CRACR2A: variants seen among roughly 807,000 people sequenced by gnomAD.
CRACR2A encodes the protein calcium release activated channel regulator 2A.
Under a neutral mutation model 90.5 loss-of-function variants are expected in CRACR2A, and 79 were observed. The ratio of observed to expected loss-of-function variants is 0.87; its 90% CI spans 0.73 to 1.05. The LOEUF (loss-of-function observed/expected upper bound fraction) is 1.05, where lower values mean the gene tolerates loss of function less well. CRACR2A is among the 50% of genes least tolerant of loss of function. The probability of loss-of-function intolerance (pLI) is 0.00; values close to 1 mark genes in which losing one functional copy is unlikely to be tolerated. For missense variants in CRACR2A, 823 were observed against 897.2 expected (o/e 0.92, Z 1.06); for synonymous variants, 338 against 356.7 (o/e 0.95, Z 0.59).
chr12:3,722,483 C>T (rs7955703), intron 2 of CRACR2A, among the ~76,000 whole-genome samples: 40,051 of 152,008 alleles, frequency 0.26, 5,399 homozygotes, highest in Admixed American at 0.33. Context: ...CATGAGAGGC[C>T]GTGGGGACCT....
chr12:3,722,731 G>T (rs186281508), intron 2 of CRACR2A, among the ~76,000 whole-genome samples: 1 of 152,148 alleles, frequency 6.6e-6, no homozygotes, highest in Non-Finnish European at 1.5e-5. Flanking sequence ...GCTGTGAATA[G>T]TCCCCCTCCA....
At chr12:3,644,663 T>G (rs1478680799) in intron 11 of CRACR2A, 23 bp from the exon 12 acceptor site, 3 of 1,551,192 alleles carry the variant, frequency 1.9e-6, no homozygotes, top group African/African-American at 2.7e-5. Context: ...AAGGGGAATC[T>G]ATTCAAACAT....
chr12:3,742,703 G>A (rs1174313067), intron 1 of CRACR2A, among the ~76,000 whole-genome samples: 1 of 152,210 alleles, frequency 6.6e-6, no homozygotes, highest in Non-Finnish European at 1.5e-5. Flanking sequence ...CTGTCTATAA[G>A]ATGGACAGAA....
intron 2 of CRACR2A, among the ~76,000 whole-genome samples, chr12:3,720,281 GAA>G (rs1565501008): frequency 3.1e-5 from 4 of 130,908 alleles, no homozygotes; most frequent in African/African-American, 1.2e-4. Flanking sequence ...AAGAGAGAGA[GAA>G]AGAAAGAAAG....
At chr12:3,644,832 G>A (rs1395032293) in intron 11 of CRACR2A, among the ~76,000 whole-genome samples, 192 bp from the exon 12 acceptor site, 1 of 152,216 alleles carries the variant, frequency 6.6e-6, no homozygotes, top group Non-Finnish European at 1.5e-5. Context: ...GGTACACACA[G>A]ATGTGGGGGA....
At position 3,654,412 on chromosome 12, in the gene CRACR2A, G is replaced by A. The variant is rs776773681; in HGVS notation, c.859-13C>T. 2.1e-5 allele frequency: 33 copies of A among 1,572,882 alleles called. No individual in the cohort carries two copies. In the South Asian group the frequency reaches 2.8e-4, roughly 13 times the overall value. On this transcript the variant is annotated splice_polypyrimidine_tract_variant and intron_variant, in intron 9 of 19. Coordinates refer to ENST00000440314, the MANE Select transcript of CRACR2A (RefSeq NM_001144958.2). ...ACTGACCTTCCAGCTGCAAAGGAAT[G>A]GGGAGCAGAGGGGAATGAGGAGTGA...
At chr12:3,629,820 T>G (rs1324442485) in intron 15 of CRACR2A, among the ~76,000 whole-genome samples, 1 of 80,550 alleles carries the variant, frequency 1.2e-5, no homozygotes, top group Admixed American at 1.8e-4. Context: ...TCTTGGGGGC[T>G]GGGTGTGAAG....
chr12:3,632,830 T>C (rs1217285643), intron 15 of CRACR2A, among the ~76,000 whole-genome samples: 1 of 152,248 alleles, frequency 6.6e-6, no homozygotes, highest in African/African-American at 2.4e-5. Flanking sequence ...AGTTGACTTA[T>C]CAGCTCAGTG....
intron 4 of CRACR2A, among the ~76,000 whole-genome samples, chr12:3,684,130 C>G (rs568165458): frequency 6.6e-5 from 10 of 152,318 alleles, no homozygotes; most frequent in South Asian, 6.2e-4. Flanking sequence ...GCTTCCATGA[C>G]ATTTTTATTG....
intron 3 of CRACR2A, among the ~76,000 whole-genome samples, chr12:3,698,910 G>A (rs1460356234): frequency 6.6e-6 from 1 of 152,072 alleles, no homozygotes; most frequent in Non-Finnish European, 1.5e-5. Context: ...GTACCTTGCC[G>A]GGACTCTGTC....
intron 1 of CRACR2A, among the ~76,000 whole-genome samples, chr12:3,750,910 G>C (rs4765750): frequency 1 from 152,313 of 152,314 alleles, 76,156 homozygotes; most frequent in Middle Eastern, 1. Flanking sequence ...TCACCACAGC[G>C]TGACGCATCT....
chr12:3,691,674 G>T (rs1340240602), intron 4 of CRACR2A, among the ~76,000 whole-genome samples: 1 of 152,180 alleles, frequency 6.6e-6, no homozygotes, highest in African/African-American at 2.4e-5. Context: ...TGCATTTCCT[G>T]AATTTGAATG....
At chr12:3,658,556 G>A in intron 8 of CRACR2A, among the ~76,000 whole-genome samples, 1 of 152,156 alleles carries the variant, frequency 6.6e-6, no homozygotes, top group Non-Finnish European at 1.5e-5. Flanking sequence ...TCCAGAGGGC[G>A]CTAATTGGAG....
chr12:3,619,410 C>A, intron 17 of CRACR2A, 38 bp from the exon 18 acceptor site: 1 of 1,507,734 alleles, frequency 6.6e-7, no homozygotes, highest in South Asian at 1.2e-5. Flanking sequence ...AGAGGGGTGT[C>A]ATAGGATTGC....
chr12:3,734,129 C>G (rs1470332728), intron 1 of CRACR2A, among the ~76,000 whole-genome samples: 7 of 151,890 alleles, frequency 4.6e-5, no homozygotes, highest in African/African-American at 1.7e-4. Flanking sequence ...CGCCACCACA[C>G]CCGGCTAATT....
chr12:3,702,771 G>A (rs1423907643), intron 3 of CRACR2A, among the ~76,000 whole-genome samples: 1 of 152,152 alleles, frequency 6.6e-6, no homozygotes, highest in Non-Finnish European at 1.5e-5. Flanking sequence ...CTTATTTGTA[G>A]AAACTGATAA....
intron 10 of CRACR2A, 27 bp from the exon 11 acceptor site, chr12:3,648,640 T>C (rs745398108): frequency 1.1e-4 from 180 of 1,601,200 alleles, no homozygotes; most frequent in Non-Finnish European, 1.5e-4. Flanking sequence ...CACATGGCAG[T>C]GAGCTCCCAG....
intron 2 of CRACR2A, among the ~76,000 whole-genome samples, chr12:3,721,914 C>A (rs902129595): frequency 6.6e-6 from 1 of 152,136 alleles, no homozygotes; most frequent in East Asian, 1.9e-4. Flanking sequence ...GAGTAGGGAA[C>A]AGGGTGCACT....
At chr12:3,720,519 G>C (rs1946154311) in intron 2 of CRACR2A, among the ~76,000 whole-genome samples, 1 of 152,100 alleles carries the variant, frequency 6.6e-6, no homozygotes, top group African/African-American at 2.4e-5. Flanking sequence ...TACACCGCCA[G>C]GCTCTTGTGC....
Sources: allele counts gnomAD v4.1 joint callset (sites outside exome capture counted in the v4.1 genomes callset), GRCh38; gene constraint gnomAD v4.1.1; transcripts MANE v1.5; gene names NCBI Gene and HGNC (gene_info 2026-07-23, HGNC 2026-07-21).